The following NTSR1 variants were observed in gnomAD, a reference collection of about 807,000 sequenced individuals.
NTSR1 encodes neurotensin receptor type 1.
Under a neutral mutation model 31.2 loss-of-function variants are expected in NTSR1, and 29 were observed. The ratio of observed to expected loss-of-function variants is 0.93; its 90% CI spans 0.69 to 1.27. The LOEUF is 1.27. NTSR1 is among the 50% of genes most tolerant of loss of function. The pLI is 0.00. For missense variants in NTSR1, 697 were observed against 595.4 expected (o/e 1.17, Z -1.78); for synonymous variants, 282 against 269.9 (o/e 1.04, Z -0.44).
At chr20:62,759,773 T>A (rs1349133763) in intron 3 of NTSR1, among the ~76,000 whole-genome samples, 26 of 49,726 alleles carry the variant, frequency 5.2e-4, no homozygotes, top group Non-Finnish European at 1.3e-3. Flanking sequence ...AGACTCCGTC[T>A]CAAAAAAAAA....
In NTSR1 at chr20:62,709,494, G is replaced by A. The variant is rs1480828287; in HGVS notation, c.287G>A (p.Ser96Asn). The A allele has an allele frequency of 1.2e-6, 2 of 1,612,502 alleles. No individual in the cohort carries two copies. Among genetic ancestry groups the A allele is most frequent in the South Asian group, 1.1e-5 (1 of 91,082 alleles). Reference sequence around the variant, plus strand: ...CTGGCGCGGAAGAAGTCGCTGCAGAGCCTGCAGAGCACGGTGCATTACCAC... The same window carrying A: ...CTGGCGCGGAAGAAGTCGCTGCAGAACCTGCAGAGCACGGTGCATTACCAC... Reference protein sequence around the residue: ...FTLARKKSLQSLQSTVHYHLG... With the variant: ...FTLARKKSLQNLQSTVHYHLG... Residue 96 changes from serine (S) to asparagine (N), a missense_variant, in exon 1 of 4, where the codon AGC (serine) becomes AAC (asparagine). By Grantham distance (46) the Ser-to-Asn change is conservative (BLOSUM62 1). Transcript: ENST00000370501.
intron 1 of NTSR1, among the ~76,000 whole-genome samples, chr20:62,749,389 G>A (rs1989355916): frequency 6.6e-6 from 1 of 152,140 alleles, no homozygotes; most frequent in Non-Finnish European, 1.5e-5. Flanking sequence ...TCAGCTTAAA[G>A]TGGATTAAAG....
At chr20:62,713,714 T>C (rs1459755333) in intron 1 of NTSR1, among the ~76,000 whole-genome samples, 2 of 152,344 alleles carry the variant, frequency 1.3e-5, no homozygotes, top group East Asian at 3.9e-4. Flanking sequence ...TTGCGGGTCA[T>C]GCGGCATTGG....
chr20:62,740,044 G>C (rs973476637), intron 1 of NTSR1, among the ~76,000 whole-genome samples: 1 of 152,248 alleles, frequency 6.6e-6, no homozygotes, highest in Admixed American at 6.5e-5. Context: ...CTGGGGCTTT[G>C]CACAAACTCC....
At chr20:62,718,426 A>G (rs1185002044) in intron 1 of NTSR1, among the ~76,000 whole-genome samples, 1 of 152,136 alleles carries the variant, frequency 6.6e-6, no homozygotes, top group Non-Finnish European at 1.5e-5. Context: ...TTCGACTGAC[A>G]GGCAATAAGA....
Position 62,709,861 on chromosome 20 carries a change from C to T in NTSR1, c.654C>T (p.His218=). ...AGAACCGCAGCGCCGACGGCCAGCA[C>T]GCCGGCGGCCTGGTGTGCACCCCCA... is the stretch of plus-strand genomic sequence containing the variant. ...GEQNRSADGQ[H]AGGLVCTPTI... is the part of the protein sequence containing the mutation. Residue 218 remains histidine, a synonymous_variant, in exon 1 of 4, where the codon CAC becomes CAT. Coordinates refer to ENST00000370501, the MANE Select transcript of NTSR1 (RefSeq NM_002531.3). 6.2e-7 allele frequency: 1 copy of T among 1,607,698 alleles called. No individual in the cohort carries two copies. The highest frequency in any genetic ancestry group is 1.1e-5 in the South Asian group (1 of 90,900).
At chr20:62,729,506 T>C (rs1017611554) in intron 1 of NTSR1, among the ~76,000 whole-genome samples, 33 of 152,070 alleles carry the variant, frequency 2.2e-4, no homozygotes, top group Non-Finnish European at 3.4e-4. Flanking sequence ...CTCAGAGCCT[T>C]ATAGCCTCAG....
chr20:62,717,036 G>T (rs1988741254), intron 1 of NTSR1, among the ~76,000 whole-genome samples: 1 of 152,234 alleles, frequency 6.6e-6, no homozygotes, highest in Admixed American at 6.5e-5. Context: ...GCTCCGGAGG[G>T]GGACCACCGG....
At chr20:62,734,609 A>G (rs1301948518) in intron 1 of NTSR1, among the ~76,000 whole-genome samples, 1 of 152,208 alleles carries the variant, frequency 6.6e-6, no homozygotes, top group African/African-American at 2.4e-5. Flanking sequence ...GTGGCTTCCC[A>G]TAAAAGCTGC....
rs936008317 is a variant in NTSR1 at position 62,715,577 on chromosome 20, G to A, written c.714+5656G>A. Among the ~76,000 whole-genome samples, 1 of 152,202 alleles carries A rather than the reference G, an allele frequency of 6.6e-6. No individual in the cohort carries two copies. Among genetic ancestry groups the A allele is most frequent in the Non-Finnish European group, 1.5e-5 (1 of 68,026 alleles). ...GCTTGGAGTCCTCGAGAGTGACTTG[G>A]CCCAGAGTGGTTCAGGCTCACCTGT... On this transcript the variant is annotated intron_variant, in intron 1 of 3. Coordinates refer to ENST00000370501, the MANE Select transcript of NTSR1 (RefSeq NM_002531.3). The surrounding 1 kb of genome is among the most constrained non-coding windows in gnomAD (Gnocchi z 4.7).
intron 1 of NTSR1, among the ~76,000 whole-genome samples, chr20:62,730,468 G>A (rs1417347261): frequency 6.6e-6 from 1 of 152,184 alleles, no homozygotes. Flanking sequence ...CCATTATCTG[G>A]ATGTCCCCCA....
chr20:62,747,867 T>A (rs1022743540), intron 1 of NTSR1, among the ~76,000 whole-genome samples: 4 of 152,164 alleles, frequency 2.6e-5, no homozygotes, highest in Admixed American at 2.0e-4. Flanking sequence ...ACACTAGCAA[T>A]GAATTATCCC....
chr20:62,760,279 C>CG lies in NTSR1; in HGVS notation c.*14dup. 1 of 1,593,916 alleles carries CG rather than the reference C, an allele frequency of 6.3e-7. No individual in the cohort carries two copies. The highest frequency in any genetic ancestry group is 1.3e-5 in the African/African-American group (1 of 74,802). ...AGACGCTGTACTAGGCTGTGCGCCCCGGAACGTGTCCAGGAGGAGCCTGGC... is the reference window on the plus strand; with the variant it reads ...AGACGCTGTACTAGGCTGTGCGCCCCGGGAACGTGTCCAGGAGGAGCCTGGC... On this transcript the variant is annotated 3_prime_UTR_variant, in exon 4 of 4. Coordinates refer to ENST00000370501, the MANE Select transcript of NTSR1 (RefSeq NM_002531.3).
At chr20:62,728,646 C>T (rs945848499) in intron 1 of NTSR1, among the ~76,000 whole-genome samples, 3 of 152,140 alleles carry the variant, frequency 2.0e-5, no homozygotes, top group Non-Finnish European at 2.9e-5. Context: ...CACAGCTGGG[C>T]TTTCTTTGTG....
chr20:62,737,082 C>T (rs370558774), intron 1 of NTSR1, among the ~76,000 whole-genome samples: 38 of 152,350 alleles, frequency 2.5e-4, no homozygotes, highest in African/African-American at 7.5e-4. Flanking sequence ...TACACAGTCT[C>T]GGCAGTTCTT....
intron 1 of NTSR1, 134 bp downstream of exon 1, chr20:62,710,055 T>TGGGGCAGCTTG: frequency 1.3e-6 from 1 of 742,202 alleles, no homozygotes; most frequent in Admixed American, 3.0e-5. Flanking sequence ...GGAAGGCGGT[T>TGGGGCAGCTTG]GGGGCAGCTT....
chr20:62,730,389 A>G (rs1988982739), intron 1 of NTSR1, among the ~76,000 whole-genome samples: 1 of 152,164 alleles, frequency 6.6e-6, no homozygotes, highest in Non-Finnish European at 1.5e-5. Context: ...CCTTCGCAGT[A>G]TGTAGTTGAG....
chr20:62,714,547 G>T lies in NTSR1; in HGVS notation c.714+4626G>T, dbSNP rs1279234793. Among the ~76,000 whole-genome samples the T allele has an allele frequency of 1.3e-5, 2 of 152,166 alleles. No homozygotes were observed. Among genetic ancestry groups the T allele is most frequent in the African/African-American group, 4.8e-5 (2 of 41,448 alleles). ...GGTCACGAAGGGGAGAGAGTTAGGT[G>T]TGAGGTGAGCCCTGGTGTGCACACA... On this transcript the variant is annotated intron_variant, in intron 1 of 3. Coordinates refer to ENST00000370501, the MANE Select transcript of NTSR1 (RefSeq NM_002531.3). The surrounding 1 kb of genome is among the most constrained non-coding windows in gnomAD (Gnocchi z 4.1).
intron 1 of NTSR1, among the ~76,000 whole-genome samples, chr20:62,746,246 G>A (rs1989299255): frequency 6.6e-6 from 1 of 152,182 alleles, no homozygotes; most frequent in African/African-American, 2.4e-5. Context: ...TGGACCGTCT[G>A]CCAGGAGAGC....
Sources: allele counts gnomAD v4.1 joint callset (sites outside exome capture counted in the v4.1 genomes callset), GRCh38; gene constraint gnomAD v4.1.1; non-coding constraint Gnocchi (gnomAD v3.1); transcripts MANE v1.5; gene names NCBI Gene and HGNC (gene_info 2026-07-23, HGNC 2026-07-21).